The following DENND1A variants were observed in gnomAD, a reference collection of about 807,000 sequenced individuals.
DENND1A encodes the protein DENN domain containing 1A, also known as DENN domain-containing protein 1A.
DENND1A carries 51 observed loss-of-function variants against 113.7 expected under a neutral mutation model. The ratio of observed to expected loss-of-function variants is 0.45; its 90% CI spans 0.36 to 0.57. The LOEUF is 0.57. Ranked by LOEUF, DENND1A falls within the 20% of genes least tolerant of loss-of-function variation. DENND1A has a pLI of 0.00. For missense variants in DENND1A, 1,258 were observed against 1,395.9 expected (o/e 0.90, Z 1.57); for synonymous variants, 565 against 570.8 (o/e 0.99, Z 0.14).
At chr9:123,740,424 A>T (rs2068910826) in intron 5 of DENND1A, among the ~76,000 whole-genome samples, 1 of 152,220 alleles carries the variant, frequency 6.6e-6, no homozygotes, top group Non-Finnish European at 1.5e-5. Flanking sequence ...TCTCCCATTT[A>T]GAGTCTGGGA....
At chr9:123,459,125 C>T (rs4524870) in intron 13 of DENND1A, among the ~76,000 whole-genome samples, 144,287 of 152,276 alleles carry the variant, frequency 0.95, 68,764 homozygotes, top group Non-Finnish European at 1. Flanking sequence ...ACTGAGATGG[C>T]GCCATTGCAC....
At chr9:123,784,696 T>C (rs1036221864) in intron 3 of DENND1A, among the ~76,000 whole-genome samples, 20 of 152,164 alleles carry the variant, frequency 1.3e-4, no homozygotes, top group Non-Finnish European at 2.4e-4. Context: ...TAAGTAAGGA[T>C]TGCATAATTA....
At chr9:123,876,652 C>T (rs1381287941) in intron 2 of DENND1A, among the ~76,000 whole-genome samples, 3 of 152,146 alleles carry the variant, frequency 2.0e-5, no homozygotes, top group African/African-American at 7.2e-5. Context: ...AAAGAGCATA[C>T]GCACTGGACT....
chr9:123,711,115 C>T (rs2066556845), intron 5 of DENND1A, among the ~76,000 whole-genome samples: 1 of 152,066 alleles, frequency 6.6e-6, no homozygotes, highest in Non-Finnish European at 1.5e-5. Flanking sequence ...ACAATATATA[C>T]ATGTATCAAA....
chr9:123,599,538 AT>A (rs2059853151), intron 11 of DENND1A, among the ~76,000 whole-genome samples: 1 of 152,134 alleles, frequency 6.6e-6, no homozygotes, highest in Non-Finnish European at 1.5e-5. Flanking sequence ...ATTATTTCTA[AT>A]TGTCATCACT....
intron 19 of DENND1A, among the ~76,000 whole-genome samples, chr9:123,433,419 T>C (rs953790293): frequency 1.3e-5 from 2 of 152,192 alleles, no homozygotes; most frequent in Non-Finnish European, 2.9e-5. Context: ...ACATGGATCT[T>C]ATATATGTGT....
At chr9:123,652,351 TGGTGATTACAACATGA>T (rs1345124205) in intron 8 of DENND1A, 2 of 451,560 alleles carry the variant, frequency 4.4e-6, no homozygotes, top group Non-Finnish European at 8.1e-6. Flanking sequence ...CATCTTTGTG[TGGTGATTACAACATGA>T]GGTCGCATCC....
chr9:123,727,364 T>C (rs2067782728), intron 5 of DENND1A, among the ~76,000 whole-genome samples: 1 of 152,362 alleles, frequency 6.6e-6, no homozygotes, highest in East Asian at 1.9e-4. Context: ...AATTAAATGA[T>C]ATTCTCATAG....
intron 3 of DENND1A, among the ~76,000 whole-genome samples, chr9:123,791,156 T>G (rs1192895866): frequency 6.6e-6 from 1 of 152,176 alleles, no homozygotes; most frequent in Non-Finnish European, 1.5e-5. Flanking sequence ...CACTGAGAAT[T>G]CAGATCATGG....
At chr9:123,406,027 G>T (rs1027559279) in intron 20 of DENND1A, among the ~76,000 whole-genome samples, 2 of 151,674 alleles carry the variant, frequency 1.3e-5, no homozygotes, top group Non-Finnish European at 2.9e-5. Flanking sequence ...AGGGAAGCAG[G>T]CACACACTCC....
At chr9:123,508,548 T>G (rs1025829213) in intron 13 of DENND1A, among the ~76,000 whole-genome samples, 3 of 152,222 alleles carry the variant, frequency 2.0e-5, no homozygotes, top group Admixed American at 2.0e-4. Context: ...CATGATCTTT[T>G]GACAAATAAA....
chr9:123,650,358 C>T (rs2062579383), intron 9 of DENND1A, among the ~76,000 whole-genome samples: 1 of 152,146 alleles, frequency 6.6e-6, no homozygotes, highest in African/African-American at 2.4e-5. Flanking sequence ...CTCTAGTAGT[C>T]TCAGAGAGTT....
rs758292569 is a variant in DENND1A at position 123,902,689 on chromosome 9, A to C, written c.18-23668T>G. On this transcript the variant is annotated intron_variant, in intron 1 of 23. Coordinates refer to ENST00000394215, the MANE Select transcript of DENND1A (RefSeq NM_001352964.2). The stretch of plus-strand genomic sequence containing the variant: ...ATATATTTCTGAAAAAGATTAAGAA[A>C]TATGCTTCAGGAAACTGACATCCTT... Among the ~76,000 whole-genome samples the C allele has an allele frequency of 5.0e-4, 76 of 152,164 alleles. 3 individuals are homozygous for C. Among genetic ancestry groups the C allele is most frequent in the Non-Finnish European group, 5.9e-5 (4 of 68,030 alleles).
intron 11 of DENND1A, among the ~76,000 whole-genome samples, chr9:123,598,739 C>T (rs1221363672): frequency 6.6e-6 from 1 of 151,942 alleles, no homozygotes; most frequent in Admixed American, 6.6e-5. Flanking sequence ...GGGTAGTGTG[C>T]ATATGTACTT....
chr9:123,663,897 T>C (rs992326751), intron 8 of DENND1A, among the ~76,000 whole-genome samples: 1 of 151,668 alleles, frequency 6.6e-6, no homozygotes, highest in African/African-American at 2.4e-5. Flanking sequence ...AAAGTATTAC[T>C]CAACCCCCAG....
chr9:123,630,492 G>T lies in DENND1A; in HGVS notation c.619-16C>A, dbSNP rs201097478. 11 of 1,529,316 alleles carry T rather than the reference G, an allele frequency of 7.2e-6. No individual in the cohort carries two copies. The highest frequency in any genetic ancestry group is 9.7e-6 in the Non-Finnish European group (11 of 1,132,440). The allele number at this position is 1,529,316 out of a possible 1,614,324, so 94.7% of individuals were successfully genotyped here. A position where few individuals can be genotyped will look rare whatever the true frequency, so the allele number is the denominator to read the frequency against. Reference sequence around the variant, plus strand: ...AGGCAGTCAGCTGGAACAGAGCAAAGCAGAGATCAATGAACAAATCCAAGG... The same window carrying T: ...AGGCAGTCAGCTGGAACAGAGCAAATCAGAGATCAATGAACAAATCCAAGG... On this transcript the variant is annotated splice_polypyrimidine_tract_variant and intron_variant, in intron 9 of 23. Transcript: ENST00000394215.
chr9:123,603,936 T>C (rs975030444), intron 11 of DENND1A, among the ~76,000 whole-genome samples: 44 of 152,244 alleles, frequency 2.9e-4, no homozygotes, highest in African/African-American at 1.0e-3. Flanking sequence ...CCTTGATCTT[T>C]GCAAATATCA....
intron 2 of DENND1A, among the ~76,000 whole-genome samples, chr9:123,845,715 G>GAT (rs936130694): frequency 1.2e-4 from 17 of 138,640 alleles, no homozygotes; most frequent in African/African-American, 5.1e-4. Context: ...AAAAGGAATG[G>GAT]ATTATAGACC....
chr9:123,588,768 A>ATTT (rs1249188721), intron 11 of DENND1A, among the ~76,000 whole-genome samples: 28 of 133,594 alleles, frequency 2.1e-4, no homozygotes, highest in African/African-American at 6.1e-4. Context: ...AAATAATTCT[A>ATTT]TTTTGTTTTT....
Sources: gnomAD v4.1 joint callset for allele counts (sites outside exome capture counted in the v4.1 genomes callset) on GRCh38, gnomAD v4.1.1 for gene constraint, MANE v1.5 for transcripts, NCBI Gene and HGNC (gene_info 2026-07-23, HGNC 2026-07-21) for gene names.